Variants in NAV3 observed in about 807,000 individuals in gnomAD.
The protein encoded by NAV3 is pore membrane and/or filament interacting like protein 1.
Under a neutral mutation model 244.7 loss-of-function variants are expected in NAV3, and 87 were observed. The ratio of observed to expected loss-of-function variants is 0.36; its 90% CI spans 0.30 to 0.42. The LOEUF (loss-of-function observed/expected upper bound fraction) is 0.42. Among genes scored for constraint, NAV3 ranks in the 20% least tolerant of loss-of-function variants. The probability of loss-of-function intolerance (pLI) is 1.00; values close to 1 mark genes in which losing one functional copy is unlikely to be tolerated. For missense variants in NAV3, 2,663 were observed against 2,893.3 expected (o/e 0.92, Z 1.83); for synonymous variants, 1,126 against 1,042.2 (o/e 1.08, Z -1.55).
intron 17 of NAV3, 130 bp from the exon 18 acceptor site, chr12:78,128,576 A>C (rs1441047463): frequency 6.6e-6 from 6 of 904,698 alleles, no homozygotes. Context: ...GAACTGAGCA[A>C]TTATAATTAG....
At chr12:77,839,934 G>A (rs923342217) in intron 1 of NAV3, among the ~76,000 whole-genome samples, 6 of 152,094 alleles carry the variant, frequency 3.9e-5, no homozygotes, top group East Asian at 1.9e-4. Flanking sequence ...TTAGCCAGGC[G>A]TGGTGGCAAG....
rs537721481 is a variant in NAV3, at chr12:78,119,354, C to G, written c.3158C>G (p.Pro1053Arg). Residue 1053 changes from proline (P) to arginine (R), a missense_variant, in exon 15 of 40, where the codon CCC (proline) becomes CGC (arginine). Physicochemically the swap from Pro to Arg is moderately radical, Grantham distance 103. Transcript: ENST00000397909. ...AGTGGAGATGAAGGGAAAAAGCCCC[C>G]CTCAGGCATTGGAAGATCGACTGCC... ...KSSGDEGKKP[P>R]SGIGRSTATS... The G allele has an allele frequency of 6.2e-7, 1 of 1,614,152 alleles. No homozygotes were observed. The highest frequency in any genetic ancestry group is 8.5e-7 in the Non-Finnish European group (1 of 1,180,028).
At chr12:77,650,456 T>C (rs930166444) in intron 2 of NAV3, among the ~76,000 whole-genome samples, 7 of 152,142 alleles carry the variant, frequency 4.6e-5, no homozygotes, top group Admixed American at 6.6e-5. Context: ...GTAGTTTCAT[T>C]TGATGTTGAG....
In NAV3 at chr12:77,697,554, T is replaced by C. The variant is rs117879429; in HGVS notation, c.72+125288T>C. 5.6e-3 allele frequency among the ~76,000 whole-genome samples: 847 copies of C among 152,288 alleles called. 4 individuals are homozygous for C. The highest frequency in any genetic ancestry group is 8.7e-3 in the Non-Finnish European group (591 of 68,012). ...TTCTCATATTAAACTTCCAGAAATA[T>C]CTTTTTAATTTTACATTTTCATCAT... On this transcript the variant is annotated intron_variant, in intron 2 of 8. Transcript: ENST00000550042.
At chr12:77,676,644 A>G (rs1417082042) in intron 2 of NAV3, among the ~76,000 whole-genome samples, 1 of 151,722 alleles carries the variant, frequency 6.6e-6, no homozygotes, top group African/African-American at 2.4e-5. Context: ...ACATAGGCAT[A>G]CATGTGCCAG....
Position 78,210,681 on chromosome 12 carries a change from T to G in NAV3, c.*164T>G, listed in dbSNP as rs951152989. 2.5e-5 allele frequency: 18 copies of G among 718,494 alleles called. No homozygotes were observed. The highest frequency in any genetic ancestry group is 6.1e-5 in the Admixed American group (2 of 32,832). The allele number at this position is 718,494 out of a possible 1,614,324, so 44.5% of individuals were successfully genotyped here. A position where few individuals can be genotyped will look rare whatever the true frequency, so the allele number is the denominator to read the frequency against. Reference sequence around the variant, plus strand: ...CAGAACTAAGTCTGAACCGCCAAGATGCTAAATTGCAATGGAAGCTTAACT... The same window carrying G: ...CAGAACTAAGTCTGAACCGCCAAGAGGCTAAATTGCAATGGAAGCTTAACT... On this transcript the variant is annotated 3_prime_UTR_variant, in exon 40 of 40. Coordinates refer to ENST00000397909, the MANE Select transcript of NAV3 (RefSeq NM_001024383.2).
At chr12:77,924,124 G>T (rs1887967142) in intron 1 of NAV3, among the ~76,000 whole-genome samples, 1 of 152,094 alleles carries the variant, frequency 6.6e-6, no homozygotes. Context: ...GTTTCCTGGG[G>T]GTTGGGTATG....
intron 39 of NAV3, among the ~76,000 whole-genome samples, chr12:78,206,854 CTTTTTT>C (rs10594185): frequency 0.15 from 17,719 of 114,844 alleles, 1,185 homozygotes; most frequent in South Asian, 0.23. Context: ...TTCTTTCTTA[CTTTTTT>C]TTTTTTTTTT....
rs267603688 is a variant in NAV3 at position 78,050,984 on chromosome 12, C to T, written c.2353C>T (p.Leu785Phe). The change falls in exon 11 of 40, where the codon CTC becomes TTC. Residue 785 changes from leucine (L) to phenylalanine (F), a missense_variant. Leu to Phe is a conservative substitution (Grantham distance 22, BLOSUM62 0). This residue lies in a region of NAV3 where 1,521 missense variants were observed against 1,497.0 expected (regional missense o/e 1.02). Coordinates refer to ENST00000397909, the MANE Select transcript of NAV3 (RefSeq NM_001024383.2). ...CTCGAGGTTCATGTATACCACGCCTCTCCGTCGAGCTGCTGTCTCTAGGCT... is the reference window on the plus strand; with the variant it reads ...CTCGAGGTTCATGTATACCACGCCTTTCCGTCGAGCTGCTGTCTCTAGGCT... ...DPSRFMYTTP[L>F]RRAAVSRLGN... The T allele has an allele frequency of 1.2e-6, 2 of 1,614,108 alleles. No homozygotes were observed. Among genetic ancestry groups the T allele is most frequent in the Admixed American group, 3.3e-5 (2 of 60,020 alleles).
chr12:77,822,115 T>C (rs543114168), intron 2 of NAV3, among the ~76,000 whole-genome samples: 23 of 152,312 alleles, frequency 1.5e-4, no homozygotes, highest in South Asian at 4.1e-4. Context: ...CATTATACTT[T>C]ATGGTTAAGA....
At chr12:77,824,735 A>G (rs1872899218) in intron 2 of NAV3, among the ~76,000 whole-genome samples, 1 of 151,944 alleles carries the variant, frequency 6.6e-6, no homozygotes, top group Non-Finnish European at 1.5e-5. Context: ...TCTACTAAAA[A>G]CACAAAAATT....
intron 2 of NAV3, among the ~76,000 whole-genome samples, chr12:77,771,627 A>G (rs1870092781): frequency 6.6e-6 from 1 of 152,174 alleles, no homozygotes; most frequent in African/African-American, 2.4e-5. Flanking sequence ...CATGGATGAA[A>G]CTGGAAACCA....
At chr12:77,883,375 G>A (rs1410735489) in intron 1 of NAV3, among the ~76,000 whole-genome samples, 1 of 152,006 alleles carries the variant, frequency 6.6e-6, no homozygotes, top group Non-Finnish European at 1.5e-5. Flanking sequence ...CTCTCTAACT[G>A]AGAGCTAAAC....
chr12:78,192,694 G>A (rs1959037812), intron 34 of NAV3, among the ~76,000 whole-genome samples: 1 of 152,076 alleles, frequency 6.6e-6, no homozygotes, highest in Admixed American at 6.6e-5. Flanking sequence ...ACAGGCATGA[G>A]CCACTGTGCC....
At chr12:77,947,417 T>TG (rs1239879488) in intron 3 of NAV3, 3 of 151,758 alleles carry the variant, frequency 2.0e-5, no homozygotes, top group Non-Finnish European at 2.9e-5. Flanking sequence ...AGGATTTTTT[T>TG]TTTTTTTTAG....
At chr12:77,850,754 T>C (rs1877389766) in intron 1 of NAV3, among the ~76,000 whole-genome samples, 1 of 151,338 alleles carries the variant, frequency 6.6e-6, no homozygotes, top group African/African-American at 2.4e-5. Flanking sequence ...AGCTTTTGTG[T>C]CCTCAGGGTA....
chr12:77,599,095 C>G (rs950509073), intron 2 of NAV3, among the ~76,000 whole-genome samples: 1 of 151,926 alleles, frequency 6.6e-6, no homozygotes, highest in Non-Finnish European at 1.5e-5. Flanking sequence ...ATTTAGATAC[C>G]TCATGTGAGT....
chr12:77,682,127 G>C (rs899590601), intron 2 of NAV3, among the ~76,000 whole-genome samples: 3 of 151,718 alleles, frequency 2.0e-5, no homozygotes, highest in Non-Finnish European at 2.9e-5. Context: ...CCACACCCTG[G>C]TCCCCTGCCA....
chr12:77,619,043 T>G (rs1871254622), intron 2 of NAV3, among the ~76,000 whole-genome samples: 1 of 152,216 alleles, frequency 6.6e-6, no homozygotes, highest in Admixed American at 6.5e-5. Flanking sequence ...CTTGTCATAA[T>G]CATTGAAAAG....
Sources: allele counts gnomAD v4.1 joint callset (sites outside exome capture counted in the v4.1 genomes callset), GRCh38; gene constraint gnomAD v4.1.1; regional missense constraint gnomAD v4.1.1; transcripts MANE v1.5; gene names NCBI Gene and HGNC (gene_info 2026-07-23, HGNC 2026-07-21).